The following ELOVL6 variants were observed in gnomAD, a reference collection of about 807,000 sequenced individuals.
ELOVL6 encodes the protein very long chain fatty acid elongase 6.
Under a neutral mutation model 31.7 loss-of-function variants are expected in ELOVL6, and 8 were observed. The ratio of observed to expected loss-of-function variants is 0.25; its 90% CI spans 0.15 to 0.45. The LOEUF (loss-of-function observed/expected upper bound fraction) is 0.45, where lower values mean the gene tolerates loss of function less well. ELOVL6 is among the 20% of genes least tolerant of loss of function. ELOVL6 has a pLI of 1.00. For missense variants in ELOVL6, 126 were observed against 326.4 expected, an observed-to-expected ratio of 0.39 and a Z score of 4.73; for synonymous variants, 101 against 117.7, an observed-to-expected ratio of 0.86 and a Z score of 0.92.
At chr4:110,119,603 T>C (rs566331216) in intron 1 of ELOVL6, among the ~76,000 whole-genome samples, 3 of 152,322 alleles carry the variant, frequency 2.0e-5, no homozygotes, top group South Asian at 4.1e-4. Context: ...GAGTCCTTTA[T>C]CTCTATATAG....
intron 2 of ELOVL6, among the ~76,000 whole-genome samples, chr4:110,060,899 C>G (rs1276187344): frequency 6.6e-6 from 1 of 152,170 alleles, no homozygotes; most frequent in Non-Finnish European, 1.5e-5. Context: ...TAGAGTTGCT[C>G]TAGAATAAAT....
chr4:110,089,219 T>C (rs542464355), intron 2 of ELOVL6, among the ~76,000 whole-genome samples: 1 of 152,352 alleles, frequency 6.6e-6, no homozygotes, highest in South Asian at 2.1e-4. Context: ...CTTCTCTTCA[T>C]GAACAAGTGT....
In ELOVL6 at chr4:110,113,565, A is replaced by AG. The variant is rs1184044244; in HGVS notation, c.90-7938dup. On this transcript the variant is annotated intron_variant, in intron 1 of 3. Coordinates refer to ENST00000302274, the MANE Select transcript of ELOVL6 (RefSeq NM_024090.3). ...GCACTCCAGCCTGGGCGACAGAGTG[A>AG]GACCCTGTCTTTAAAAAAGCCAAAA... is the stretch of plus-strand genomic sequence containing the variant. Among the ~76,000 whole-genome samples, 4 of 152,330 alleles carry AG rather than the reference A, an allele frequency of 2.6e-5. No individual in the cohort carries two copies. In the South Asian group the frequency reaches 8.3e-4, roughly 32 times the overall value.
chr4:110,053,092 C>G (rs1237892051), intron 3 of ELOVL6, among the ~76,000 whole-genome samples: 1 of 152,160 alleles, frequency 6.6e-6, no homozygotes, highest in Admixed American at 6.5e-5. Flanking sequence ...TGCCACCATG[C>G]CCAGCTAATT....
intron 1 of ELOVL6, among the ~76,000 whole-genome samples, chr4:110,157,232 G>C (rs1462109428): frequency 3.9e-5 from 6 of 152,094 alleles, no homozygotes; most frequent in Non-Finnish European, 1.5e-5. Context: ...GCAAAAAGTA[G>C]GAGAAACTGA....
chr4:110,092,802 T>TAC (rs61203029), intron 2 of ELOVL6, among the ~76,000 whole-genome samples: 18,880 of 150,216 alleles, frequency 0.13, 1,375 homozygotes, highest in East Asian at 0.3. Context: ...AATCTTGTAG[T>TAC]ACACACACAC....
chr4:110,056,524 A>C (rs762785607), intron 3 of ELOVL6, among the ~76,000 whole-genome samples: 21 of 152,026 alleles, frequency 1.4e-4, no homozygotes, highest in Non-Finnish European at 2.8e-4. Flanking sequence ...ACAATATCCC[A>C]TATTTTAAAA....
chr4:110,054,919 T>G (rs1341251591), intron 3 of ELOVL6, among the ~76,000 whole-genome samples: 1 of 151,824 alleles, frequency 6.6e-6, no homozygotes, highest in Non-Finnish European at 1.5e-5. Context: ...GCTTAGGAGT[T>G]TTTTCCAGAA....
intron 2 of ELOVL6, among the ~76,000 whole-genome samples, chr4:110,075,153 C>T (rs1447338347): frequency 1.3e-5 from 2 of 151,948 alleles, no homozygotes; most frequent in African/African-American, 4.8e-5. Context: ...AAATTGGAAC[C>T]CATGTGCACT....
At chr4:110,116,182 C>T (rs1287179427) in intron 1 of ELOVL6, among the ~76,000 whole-genome samples, 1 of 152,248 alleles carries the variant, frequency 6.6e-6, no homozygotes. Flanking sequence ...GCATCCGCAA[C>T]ATGTCCTTTG....
At chr4:110,157,995 T>C (rs530431306) in intron 1 of ELOVL6, among the ~76,000 whole-genome samples, 54 of 152,356 alleles carry the variant, frequency 3.5e-4, no homozygotes, top group African/African-American at 1.3e-3. Context: ...AATATCCAAT[T>C]ACTTTATATA....
chr4:110,176,151 C>CTTA (rs1553962495), intron 1 of ELOVL6, among the ~76,000 whole-genome samples: 1 of 149,436 alleles, frequency 6.7e-6, no homozygotes. Flanking sequence ...ATGTTTCTAC[C>CTTA]TTATTTATTT....
chr4:110,187,724 A>C (rs1037558106), intron 1 of ELOVL6, among the ~76,000 whole-genome samples: 2 of 151,610 alleles, frequency 1.3e-5, no homozygotes, highest in Admixed American at 1.3e-4. Flanking sequence ...TTGTAATGTG[A>C]TAGTACGTAA....
chr4:110,069,131 AAATAATAATAATAATAATAATAAT>A (rs58966120), intron 2 of ELOVL6, among the ~76,000 whole-genome samples: 1 of 133,698 alleles, frequency 7.5e-6, no homozygotes, highest in Non-Finnish European at 1.5e-5. Flanking sequence ...CTCTGTCTCC[AAATAATAATAATAATAATAATAAT>A]AATAATAATA....
At chr4:110,164,021 G>T (rs1758700664) in intron 1 of ELOVL6, among the ~76,000 whole-genome samples, 1 of 152,196 alleles carries the variant, frequency 6.6e-6, no homozygotes, top group Non-Finnish European at 1.5e-5. Flanking sequence ...TCATTACTCA[G>T]TTGAAAGCAA....
chr4:110,054,802 G>A (rs1165614732), intron 3 of ELOVL6, among the ~76,000 whole-genome samples: 1 of 152,188 alleles, frequency 6.6e-6, no homozygotes, highest in Non-Finnish European at 1.5e-5. Flanking sequence ...AGGTTTAACT[G>A]AGATACACTG....
chr4:110,178,285 C>A (rs755174240), intron 1 of ELOVL6, among the ~76,000 whole-genome samples: 1 of 152,126 alleles, frequency 6.6e-6, no homozygotes. Context: ...CAGTGGCTCA[C>A]GACTATAATT....
intron 1 of ELOVL6, among the ~76,000 whole-genome samples, chr4:110,177,097 G>C (rs989840549): frequency 2.6e-5 from 4 of 152,204 alleles, no homozygotes; most frequent in Non-Finnish European, 5.9e-5. Context: ...AATGGTCCAA[G>C]AGTGAAACAC....
chr4:110,104,481 T>C (rs1009224731), intron 2 of ELOVL6, among the ~76,000 whole-genome samples: 2 of 151,842 alleles, frequency 1.3e-5, no homozygotes, highest in African/African-American at 4.8e-5. Flanking sequence ...ATCATAAGAG[T>C]TTAATGGAAA....
Sources: allele counts gnomAD v4.1 joint callset (sites outside exome capture counted in the v4.1 genomes callset), GRCh38; gene constraint gnomAD v4.1.1; transcripts MANE v1.5; gene names NCBI Gene and HGNC (gene_info 2026-07-23, HGNC 2026-07-21).